ABCC11: variants seen among roughly 807,000 people sequenced by gnomAD.
ABCC11 encodes the protein ATP binding cassette subfamily C member 11.
In ABCC11, 135 loss-of-function variants were observed where a neutral mutation model predicts 149.3. The ratio of observed to expected loss-of-function variants is 0.90; its 90% CI spans 0.79 to 1.04. The LOEUF is 1.04. Among genes scored for constraint, ABCC11 ranks in the 50% least tolerant of loss-of-function variants. ABCC11 has a pLI of 0.00. For synonymous variants in ABCC11, 665 were observed against 671.4 expected, an observed-to-expected ratio of 0.99 and a Z score of 0.15; for missense variants, 1,680 against 1,722.1, an observed-to-expected ratio of 0.98 and a Z score of 0.43.
At chr16:48,193,693 T>C (rs1374444954) in intron 19 of ABCC11, among the ~76,000 whole-genome samples, 186 bp downstream of exon 19, 1 of 152,120 alleles carries the variant, frequency 6.6e-6, no homozygotes, top group Non-Finnish European at 1.5e-5. Flanking sequence ...TTCTACAAAG[T>C]CAGGAGGCCT....
intron 26 of ABCC11, among the ~76,000 whole-genome samples, chr16:48,171,254 A>G (rs1361655848): frequency 6.6e-6 from 1 of 152,182 alleles, no homozygotes; most frequent in Non-Finnish European, 1.5e-5. Flanking sequence ...GCTCAAGGAT[A>G]AGCCAATCGA....
chr16:48,232,813 C>G (rs1970494171), intron 1 of ABCC11, among the ~76,000 whole-genome samples: 1 of 152,212 alleles, frequency 6.6e-6, no homozygotes, highest in Admixed American at 6.5e-5. Flanking sequence ...TAAATTTGAA[C>G]AAGAAGACCC....
intron 24 of ABCC11, 130 bp downstream of exon 24, chr16:48,178,467 G>A (rs1966226106): frequency 3.8e-6 from 3 of 795,864 alleles, no homozygotes; most frequent in Non-Finnish European, 6.1e-6. Flanking sequence ...AAGACAGGGA[G>A]GAAAGGCCAG....
In ABCC11 at chr16:48,166,201, A is replaced by G. The variant is rs1965330171; in HGVS notation, c.*1073T>C. Among the ~76,000 whole-genome samples, 1 of 152,164 alleles carries G rather than the reference A, an allele frequency of 6.6e-6. No homozygotes were observed. Among genetic ancestry groups the G allele is most frequent in the Admixed American group, 6.5e-5 (1 of 15,286 alleles). On this transcript the variant is annotated 3_prime_UTR_variant, in exon 30 of 30. Transcript: ENST00000356608. ...GCATGTGGCTCAGGCCTGGCAAATCACAGTATGCCAACAGCCTAGCACATG... is the reference window on the plus strand; with the variant it reads ...GCATGTGGCTCAGGCCTGGCAAATCGCAGTATGCCAACAGCCTAGCACATG...
At position 48,187,412 on chromosome 16, in the gene ABCC11, T is replaced by C. The variant is rs371869786; in HGVS notation, c.2722A>G (p.Met908Val). 6.2e-6 allele frequency: 10 copies of C among 1,612,710 alleles called. No homozygotes were observed. Among genetic ancestry groups the C allele is most frequent in the South Asian group, 3.3e-5 (3 of 90,914 alleles). Residue 908 changes from methionine (M) to valine (V), a missense_variant, in exon 21 of 30, where the codon ATG becomes GTG. Coordinates refer to ENST00000356608, the MANE Select transcript of ABCC11 (RefSeq NM_001370497.1). ...ATTGGGATGGTGTCAAAGAAACTCA[T>C]GGGGCAGCGGAAAACCTGCAGGGAC... ...KLFNKVFRCP[M>V]SFFDTIPIGR...
chr16:48,208,281 A>G, intron 12 of ABCC11, 144 bp downstream of exon 12: 1 of 864,892 alleles, frequency 1.2e-6, no homozygotes, highest in Non-Finnish European at 1.8e-6. Flanking sequence ...CAGTGCAAGC[A>G]CAACCATTTT....
At position 48,213,541 on chromosome 16, in the gene ABCC11, T is replaced by C. The variant is rs181307743; in HGVS notation, c.1258A>G (p.Met420Val). 6.3e-5 allele frequency: 102 copies of C among 1,609,326 alleles called. No homozygotes were observed. The highest frequency in any genetic ancestry group is 5.7e-4 in the Admixed American group (34 of 59,254). The change falls in exon 10 of 30, where the codon ATG becomes GTG. Residue 420 changes from methionine (M) to valine (V), a missense_variant. Coordinates refer to ENST00000356608, the MANE Select transcript of ABCC11 (RefSeq NM_001370497.1). ...CGAAGGAGATTCAAGGAGGCCAGCA[T>C]GCTGAAGGCCTGGATAAGAAGGGGA... ...LKLTASMAFSMLASLNLLRLS... is the reference protein window; with the variant it reads ...LKLTASMAFSVLASLNLLRLS...
chr16:48,220,572 C>G (rs1969667099), intron 6 of ABCC11, among the ~76,000 whole-genome samples: 1 of 152,160 alleles, frequency 6.6e-6, no homozygotes, highest in Non-Finnish European at 1.5e-5. Context: ...TCAACCACTA[C>G]CCCCGTCTAC....
rs975681958 is a variant in ABCC11 at position 48,169,190 on chromosome 16, A to G, written c.3891+915T>C. Among the ~76,000 whole-genome samples, 6 of 152,222 alleles carry G rather than the reference A, an allele frequency of 3.9e-5. No homozygotes were observed. In the South Asian group the frequency reaches 1.2e-3, roughly 32 times the overall value. Reference sequence around the variant, plus strand: ...TATACAGTAGGCAATTTAAAAATCAACGAGGGTCTAATGTGTTGTGTTTTT... The same window carrying G: ...TATACAGTAGGCAATTTAAAAATCAGCGAGGGTCTAATGTGTTGTGTTTTT... On this transcript the variant is annotated intron_variant, in intron 28 of 29. Coordinates refer to ENST00000356608, the MANE Select transcript of ABCC11 (RefSeq NM_001370497.1).
chr16:48,232,051 G>A, intron 1 of ABCC11, 112 bp from the exon 2 acceptor site: 3 of 1,509,596 alleles, frequency 2.0e-6, no homozygotes, highest in Admixed American at 2.1e-5. Context: ...AGCATATTGG[G>A]GCCATGCAGA....
chr16:48,185,612 A>G (rs1966704627), intron 22 of ABCC11, among the ~76,000 whole-genome samples: 1 of 152,190 alleles, frequency 6.6e-6, no homozygotes, highest in African/African-American at 2.4e-5. Flanking sequence ...ACCTTTGATT[A>G]TTGAAATTAA....
At chr16:48,199,112 A>G (rs569580852) in intron 15 of ABCC11, among the ~76,000 whole-genome samples, 1 of 151,716 alleles carries the variant, frequency 6.6e-6, no homozygotes, top group Non-Finnish European at 1.5e-5. Context: ...CATAATGTTG[A>G]GGGAAAAAAT....
intron 20 of ABCC11, among the ~76,000 whole-genome samples, chr16:48,192,081 GAGACT>G (rs1481554826): frequency 6.6e-6 from 1 of 152,086 alleles, no homozygotes; most frequent in Non-Finnish European, 1.5e-5. Context: ...CCAGGATTTT[GAGACT>G]AGCCTGGGCA....
Position 48,205,516 on chromosome 16 carries a change from C to A in ABCC11, c.1702G>T (p.Val568Leu), listed in dbSNP as rs763890068. The change falls in exon 13 of 30, where the codon GTG becomes TTG. Residue 568 changes from valine to leucine, a missense_variant. By Grantham distance (32) the Val-to-Leu change is conservative. Coordinates refer to ENST00000356608, the MANE Select transcript of ABCC11 (RefSeq NM_001370497.1). ...TAGGCCAGGCTTCCCTGCACCCCCACCGAGCCCTCGAGCAAGTGCATCTGC... is the reference window on the plus strand; with the variant it reads ...TAGGCCAGGCTTCCCTGCACCCCCAACGAGCCCTCGAGCAAGTGCATCTGC... ...LEEMHLLEGSVGVQGSLAYVP... is the reference protein window; with the variant it reads ...LEEMHLLEGSLGVQGSLAYVP... 1 of 1,614,108 alleles carries A rather than the reference C, an allele frequency of 6.2e-7. No homozygotes were observed.
At chr16:48,240,337 T>C (rs996209361) in intron 1 of ABCC11, among the ~76,000 whole-genome samples, 22 of 152,170 alleles carry the variant, frequency 1.4e-4, no homozygotes, top group Non-Finnish European at 1.8e-4. Flanking sequence ...TGGAATACTA[T>C]GCAGCCATGA....
chr16:48,235,091 G>T (rs1001507321), intron 1 of ABCC11: 1 of 152,210 alleles, frequency 6.6e-6, no homozygotes, highest in African/African-American at 2.4e-5. Context: ...AGGAAGACCA[G>T]ATTTATAAAG....
At position 48,216,102 on chromosome 16, in the gene ABCC11, G is replaced by T; in HGVS notation, c.951+12C>A. 1 of 1,612,794 alleles carries T rather than the reference G, an allele frequency of 6.2e-7. No homozygotes were observed. The highest frequency in any genetic ancestry group is 1.1e-5 in the South Asian group (1 of 90,906). On this transcript the variant is annotated intron_variant, in intron 7 of 29. Coordinates refer to ENST00000356608, the MANE Select transcript of ABCC11 (RefSeq NM_001370497.1). Reference sequence around the variant, plus strand: ...GGCCCAGCATCAAATGGGTGACAGAGAAAGACATTACCGCCAGTGGGAAAA... The same window carrying T: ...GGCCCAGCATCAAATGGGTGACAGATAAAGACATTACCGCCAGTGGGAAAA...
chr16:48,198,220 T>C lies in ABCC11; in HGVS notation c.2138A>G (p.Asn713Ser). Residue 713 changes from asparagine (N) to serine (S), a missense_variant, in exon 16 of 30, where the codon AAT becomes AGT. Transcript: ENST00000356608. The stretch of plus-strand genomic sequence containing the variant: ...CTGCATTAACTCACTGTGAGTTCCA[T>C]TTTCACAGATTTTCCCATTTTCCAA... ...ILLENGKICE[N>S]GTHSELMQKK... 6.2e-7 allele frequency: 1 copy of C among 1,614,186 alleles called. No individual in the cohort carries two copies. Among genetic ancestry groups the C allele is most frequent in the Non-Finnish European group, 8.5e-7 (1 of 1,180,028 alleles).
At chr16:48,177,468 C>T (rs1966158320) in intron 24 of ABCC11, among the ~76,000 whole-genome samples, 1 of 152,244 alleles carries the variant, frequency 6.6e-6, no homozygotes, top group Admixed American at 6.5e-5. Flanking sequence ...AGCCCTTGTG[C>T]AGACTTAATC....
Sources: gnomAD v4.1 joint callset for allele counts (sites outside exome capture counted in the v4.1 genomes callset) on GRCh38, gnomAD v4.1.1 for gene constraint, MANE v1.5 for transcripts, NCBI Gene and HGNC (gene_info 2026-07-23, HGNC 2026-07-21) for gene names.